The following ABCB11 variants were observed in gnomAD, a reference collection of about 807,000 sequenced individuals.
The protein encoded by ABCB11 is bile salt export pump.
Under a neutral mutation model 148.0 loss-of-function variants are expected in ABCB11, and 95 were observed. The ratio of observed to expected loss-of-function variants is 0.64; its 90% confidence interval spans 0.54 to 0.76. The LOEUF (loss-of-function observed/expected upper bound fraction) is 0.76, where lower values mean the gene tolerates loss of function less well. Ranked by LOEUF, ABCB11 falls within the 30% of genes least tolerant of loss-of-function variation. The pLI is 0.00. For missense variants in ABCB11, 1,523 were observed against 1,617.8 expected, an observed-to-expected ratio of 0.94 and a Z score of 1.01; for synonymous variants, 591 against 555.4, an observed-to-expected ratio of 1.06 and a Z score of -0.90.
At position 168,936,172 on chromosome 2, in the gene ABCB11, A is replaced by C. The variant is rs1214999653; in HGVS notation, c.2814+58T>G. On this transcript the variant is annotated intron_variant, in intron 22 of 27. Transcript: ENST00000650372. The stretch of plus-strand genomic sequence containing the variant: ...TCTCTTCGTACTACTCGTTTTTAAC[A>C]GTTTGTCTGATAGCCACTCAGCCAT... 6.4e-5 allele frequency: 97 copies of C among 1,519,438 alleles called. 1 individual carries two copies. In the South Asian group the frequency reaches 1.1e-3, roughly 18 times the overall value. 94.1% of individuals were successfully genotyped at this position (1,519,438 alleles called of 1,614,324 possible).
intron 10 of ABCB11, among the ~76,000 whole-genome samples, chr2:168,983,817 C>T (rs919356155): frequency 2.0e-5 from 3 of 152,000 alleles, no homozygotes; most frequent in African/African-American, 2.4e-5. Flanking sequence ...TTGCTCTATC[C>T]GGAATCTGGA....
intron 21 of ABCB11, among the ~76,000 whole-genome samples, chr2:168,936,705 C>A (rs2105899728): frequency 6.6e-6 from 1 of 152,208 alleles, no homozygotes; most frequent in East Asian, 1.9e-4. Context: ...CCCCCAAGCT[C>A]TTGGTGACTT....
chr2:168,980,022 G>T, intron 10 of ABCB11, 43 bp from the exon 11 acceptor site: 3 of 1,168,590 alleles, frequency 2.6e-6, no homozygotes, highest in Non-Finnish European at 3.8e-6. Context: ...TTTTGTTAAT[G>T]TGTAAATAGT....
At chr2:168,934,709 T>C (rs548179107) in intron 23 of ABCB11, among the ~76,000 whole-genome samples, 17 of 152,352 alleles carry the variant, frequency 1.1e-4, no homozygotes, top group Admixed American at 2.0e-4. Flanking sequence ...ACAACGATCA[T>C]ATTAATTCAC....
rs368351178 is a variant in ABCB11 at position 168,968,541 on chromosome 2, A to G, written c.2012-51T>C. 616 of 1,417,262 alleles carry G rather than the reference A, an allele frequency of 4.3e-4. 3 individuals carry two copies. The South Asian group carries it at 4.5e-3, about 10-fold the overall frequency. The allele number at this position is 1,417,262 out of a possible 1,614,324, so 87.8% of individuals were successfully genotyped here. A position where few individuals can be genotyped will look rare whatever the true frequency, so the allele number is the denominator to read the frequency against. On this transcript the variant is annotated intron_variant, in intron 16 of 27. Transcript: ENST00000650372. ...TTTAGTATATACAATAAACAGAACC[A>G]TATCCAAGTAGAATTCTTTACTATG...
intron 9 of ABCB11, among the ~76,000 whole-genome samples, chr2:168,988,108 C>T (rs983542551): frequency 3.3e-5 from 5 of 152,112 alleles, no homozygotes; most frequent in African/African-American, 9.7e-5. Flanking sequence ...ACTTTATAAA[C>T]TGCCTCTTAA....
intron 5 of ABCB11, among the ~76,000 whole-genome samples, chr2:169,004,467 G>A (rs578062508): frequency 7.2e-5 from 11 of 152,246 alleles, no homozygotes; most frequent in South Asian, 2.1e-4. Flanking sequence ...TTGCTGAGAC[G>A]TTCCAGTACA....
chr2:169,021,658 T>C (rs1695542479), intron 1 of ABCB11, among the ~76,000 whole-genome samples: 1 of 152,106 alleles, frequency 6.6e-6, no homozygotes, highest in South Asian at 2.1e-4. Context: ...TAAAATTTGG[T>C]TGAACATTGT....
At chr2:168,962,329 T>C (rs1693114894) in intron 18 of ABCB11, among the ~76,000 whole-genome samples, 2 of 151,744 alleles carry the variant, frequency 1.3e-5, no homozygotes, top group Admixed American at 1.3e-4. Flanking sequence ...TAATGCTGAC[T>C]AGTAGAACAT....
chr2:168,992,412 GA>G (rs72329714), intron 8 of ABCB11, among the ~76,000 whole-genome samples: 33,160 of 151,638 alleles, frequency 0.22, 4,600 homozygotes, highest in East Asian at 0.56. Context: ...AGTGTATTCA[GA>G]AAAAAAATGA....
intron 16 of ABCB11, among the ~76,000 whole-genome samples, chr2:168,968,884 T>C (rs76585845): frequency 0.014 from 2,077 of 151,648 alleles, 47 homozygotes; most frequent in African/African-American, 0.047. Flanking sequence ...CCTAATGGAG[T>C]GAAATGGTGG....
chr2:168,916,862 A>C (rs1331650196), downstream of ABCB11, among the ~76,000 whole-genome samples: 1 of 152,256 alleles, frequency 6.6e-6, no homozygotes, highest in Non-Finnish European at 1.5e-5. Context: ...TGCATGCATA[A>C]GAAATATTTA....
intron 21 of ABCB11, among the ~76,000 whole-genome samples, chr2:168,943,171 C>T (rs979674990): frequency 6.6e-6 from 1 of 151,894 alleles, no homozygotes; most frequent in Admixed American, 6.6e-5. Context: ...AGATTGAAGG[C>T]CACAAAAATA....
intron 21 of ABCB11, among the ~76,000 whole-genome samples, chr2:168,937,852 T>A (rs998961189): frequency 3.7e-4 from 56 of 152,196 alleles, no homozygotes; most frequent in Non-Finnish European, 5.6e-4. Context: ...AGTCCCAATA[T>A]AGATGGAGAA....
chr2:168,935,298 T>A lies in ABCB11; in HGVS notation c.2942A>T (p.Tyr981Phe). Residue 981 changes from tyrosine to phenylalanine, a missense_variant, in exon 23 of 28, where the codon TAC (tyrosine) becomes TTC (phenylalanine). Transcript: ENST00000650372. ...FKTAIQKANI[Y>F]GFCFAFAQCI... Reference sequence around the variant, plus strand: ...CTGGGCAAAGGCAAAGCAGAATCCGTAAATATTGGCTTTCTGAATGGCTGT... The same window carrying A: ...CTGGGCAAAGGCAAAGCAGAATCCGAAAATATTGGCTTTCTGAATGGCTGT... The A allele has an allele frequency of 6.2e-7, 1 of 1,613,976 alleles. No homozygotes were observed. Among genetic ancestry groups the A allele is most frequent in the Admixed American group, 1.7e-5 (1 of 60,032 alleles).
At position 168,936,408 on chromosome 2, in the gene ABCB11, A is replaced by C. The variant is rs756797612; in HGVS notation, c.2636T>G (p.Ile879Arg). Residue 879 changes from isoleucine (I) to arginine (R), a missense_variant, in exon 22 of 28, where the codon ATA (isoleucine) becomes AGA (arginine). Coordinates refer to ENST00000650372, the MANE Select transcript of ABCB11 (RefSeq NM_003742.4). ...AGTGACGTTAGTGAAGGAATTGACT[A>C]TCATCCCGATCTGAGAGCCGGCAGC... is the stretch of plus-strand genomic sequence containing the variant. ...QGAAGSQIGM[I>R]VNSFTNVTVA... 5 of 1,613,962 alleles carry C rather than the reference A, an allele frequency of 3.1e-6. No individual in the cohort carries two copies. In the South Asian group the frequency reaches 3.3e-5, roughly 11 times the overall value.
chr2:168,959,085 C>G (rs1323094781), intron 18 of ABCB11, among the ~76,000 whole-genome samples: 1 of 151,690 alleles, frequency 6.6e-6, no homozygotes, highest in African/African-American at 2.4e-5. Context: ...GGATAGACAA[C>G]AGCAAGGATC....
intron 15 of ABCB11, 95 bp downstream of exon 15, chr2:168,969,950 C>A: frequency 1.1e-6 from 1 of 884,594 alleles, no homozygotes; most frequent in Non-Finnish European, 1.9e-6. Flanking sequence ...GTATCAACTA[C>A]TCCCATCCCT....
Position 168,921,602 on chromosome 2 carries a change from A to T in ABCB11, c.*2020T>A, listed in dbSNP as rs1691075665. On this transcript the variant is annotated 3_prime_UTR_variant, in exon 28 of 28. Transcript: ENST00000650372. ...TTTTGAGTGTTTTTCTAATCACTGC[A>T]TTGGCTCTGTTACTTCTAATTTCCT... Among the ~76,000 whole-genome samples, 1 of 152,078 alleles carries T rather than the reference A, an allele frequency of 6.6e-6. No individual in the cohort carries two copies. The highest frequency in any genetic ancestry group is 6.5e-5 in the Admixed American group (1 of 15,280).
Sources: gnomAD v4.1 joint callset for allele counts (sites outside exome capture counted in the v4.1 genomes callset) on GRCh38, gnomAD v4.1.1 for gene constraint, MANE v1.5 for transcripts, NCBI Gene and HGNC (gene_info 2026-07-23, HGNC 2026-07-21) for gene names.